The following HMGA2 variants were observed in gnomAD, a reference collection of about 807,000 sequenced individuals.
HMGA2 encodes the protein high mobility group protein HMGI-C.
A neutral mutation model predicts 19.1 loss-of-function variants in HMGA2; 8 were observed. The ratio of observed to expected loss-of-function variants is 0.42; its 90% confidence interval spans 0.25 to 0.76. The LOEUF (loss-of-function observed/expected upper bound fraction) is 0.76. Ranked by LOEUF, HMGA2 falls within the 30% of genes least tolerant of loss-of-function variation. HMGA2 has a pLI of 0.28. For missense variants in HMGA2, 109 were observed against 136.3 expected (o/e 0.80, Z 1.00); for synonymous variants, 60 against 48.8 (o/e 1.23, Z -0.96).
intron 2 of HMGA2, 126 bp from the exon 3 acceptor site, chr12:65,838,393 C>CA (rs60377295): frequency 0.094 from 52,789 of 562,202 alleles, 1 homozygote; most frequent in Non-Finnish European, 0.11. Context: ...TTAAAAAAAA[C>CA]AAAAAAAAAA....
chr12:65,927,965 A>ATG (rs1427029468), intron 3 of HMGA2, among the ~76,000 whole-genome samples: 1 of 144,178 alleles, frequency 6.9e-6, no homozygotes, highest in Non-Finnish European at 1.5e-5. Flanking sequence ...ATATATATAT[A>ATG]TGTATGTATG....
intron 3 of HMGA2, among the ~76,000 whole-genome samples, chr12:65,945,625 A>AG (rs1876238161): frequency 6.6e-6 from 1 of 151,990 alleles, no homozygotes; most frequent in African/African-American, 2.4e-5. Context: ...GTCAAAAGCC[A>AG]CTCCCATCAA....
intron 4 of HMGA2, chr12:65,952,524 A>G: frequency 7.0e-7 from 1 of 1,438,080 alleles, no homozygotes; most frequent in Non-Finnish European, 9.1e-7. Flanking sequence ...AAACAGAGTT[A>G]CCATGAAAAA....
At chr12:65,958,718 A>T (rs759760932) in intron 4 of HMGA2, 17 of 152,230 alleles carry the variant, frequency 1.1e-4, no homozygotes, top group Non-Finnish European at 1.2e-4. Flanking sequence ...ACAAAAAAGA[A>T]TGCCATTTAG....
chr12:65,907,931 C>T (rs1874674159), intron 3 of HMGA2, among the ~76,000 whole-genome samples: 1 of 152,046 alleles, frequency 6.6e-6, no homozygotes, highest in Admixed American at 6.5e-5. Flanking sequence ...TCAGCTGTAC[C>T]ATTGCTTTTC....
intron 2 of HMGA2, among the ~76,000 whole-genome samples, chr12:65,838,169 G>A (rs1870813857): frequency 1.3e-5 from 2 of 152,066 alleles, no homozygotes; most frequent in Admixed American, 1.3e-4. Flanking sequence ...ACTAACTTAT[G>A]TAGTTACAGA....
At chr12:65,832,620 G>A (rs1014532055) in intron 2 of HMGA2, among the ~76,000 whole-genome samples, 12 of 152,052 alleles carry the variant, frequency 7.9e-5, no homozygotes, top group African/African-American at 2.9e-4. Context: ...GCACAAAGTG[G>A]AAACTGAATT....
intron 3 of HMGA2, among the ~76,000 whole-genome samples, chr12:65,864,031 G>A (rs1872252826): frequency 6.6e-6 from 1 of 152,182 alleles, no homozygotes. Context: ...AGGGTTCCAT[G>A]AATATTATGT....
chr12:65,866,348 C>T (rs941480835), intron 3 of HMGA2, among the ~76,000 whole-genome samples: 40 of 152,048 alleles, frequency 2.6e-4, no homozygotes, highest in African/African-American at 9.7e-4. Flanking sequence ...GAAAAGTGAA[C>T]CAAGTTAATG....
At chr12:65,869,293 G>C (rs1194769149) in intron 3 of HMGA2, among the ~76,000 whole-genome samples, 1 of 152,170 alleles carries the variant, frequency 6.6e-6, no homozygotes, top group Admixed American at 6.5e-5. Context: ...AACTCAGAAA[G>C]ACGACAGCAA....
intron 3 of HMGA2, chr12:65,842,610 C>T: frequency 6.5e-7 from 1 of 1,535,352 alleles, no homozygotes; most frequent in Non-Finnish European, 8.7e-7. Flanking sequence ...TACATTGCAG[C>T]TTAGAAGCCT....
At chr12:65,945,524 G>A (rs1239081827) in intron 3 of HMGA2, among the ~76,000 whole-genome samples, 1 of 151,984 alleles carries the variant, frequency 6.6e-6, no homozygotes, top group Non-Finnish European at 1.5e-5. Flanking sequence ...AGTGGATCTC[G>A]GTGAATGTTC....
intron 3 of HMGA2, among the ~76,000 whole-genome samples, chr12:65,898,479 C>A (rs144754872): frequency 6.6e-6 from 1 of 152,284 alleles, no homozygotes; most frequent in African/African-American, 2.4e-5. Flanking sequence ...TTACCCAGTC[C>A]TGGAAAGGTG....
intron 3 of HMGA2, among the ~76,000 whole-genome samples, chr12:65,890,427 C>G (rs1873852711): frequency 6.6e-6 from 1 of 152,260 alleles, no homozygotes; most frequent in Non-Finnish European, 1.5e-5. Context: ...TTAATATATT[C>G]TTGTGATTTG....
chr12:65,828,164 T>G, intron 2 of HMGA2, 77 bp downstream of exon 2: 1 of 1,051,966 alleles, frequency 9.5e-7, no homozygotes, highest in Non-Finnish European at 1.5e-6. Flanking sequence ...TTTCCCATTC[T>G]AACTCCGCAG....
intron 3 of HMGA2, chr12:65,858,598 T>C (rs1324236973): frequency 6.6e-6 from 1 of 152,234 alleles, no homozygotes; most frequent in African/African-American, 2.4e-5. Context: ...TTTTGTTTAA[T>C]GGGTACCTTA....
chr12:65,939,097 C>A (rs932519148), intron 3 of HMGA2, among the ~76,000 whole-genome samples: 3 of 152,076 alleles, frequency 2.0e-5, no homozygotes, highest in South Asian at 2.1e-4. Context: ...AGTTGGAAAC[C>A]TTTTTTGAAT....
chr12:65,930,995 C>A (rs748527660), intron 3 of HMGA2, among the ~76,000 whole-genome samples: 10 of 152,122 alleles, frequency 6.6e-5, no homozygotes, highest in Non-Finnish European at 1.2e-4. Flanking sequence ...CAATTTAAAC[C>A]TTTGCTGTTA....
chr12:65,825,319 G>C lies in HMGA2; in HGVS notation c.49G>C (p.Gly17Arg). Reference sequence around the variant, plus strand: ...GGGGCAGCCGTCCACTTCAGCCCAGGGACAACCTGCCGCCCCAGCGCCTCA... The same window carrying C: ...GGGGCAGCCGTCCACTTCAGCCCAGCGACAACCTGCCGCCCCAGCGCCTCA... ...GAGQPSTSAQ[G>R]QPAAPAPQKR... The change falls in exon 1 of 5, where the codon GGA becomes CGA. Residue 17 changes from glycine (G) to arginine (R), a missense_variant. Gly to Arg is a moderately radical substitution (Grantham distance 125). Coordinates refer to ENST00000403681, the MANE Select transcript of HMGA2 (RefSeq NM_003483.6). The surrounding 1 kb of genome is among the most constrained non-coding windows in gnomAD (Gnocchi z 4.4). 6.5e-7 allele frequency: 1 copy of C among 1,538,636 alleles called. No individual in the cohort carries two copies. Among genetic ancestry groups the C allele is most frequent in the Non-Finnish European group, 8.7e-7 (1 of 1,146,136 alleles).
Sources: allele counts gnomAD v4.1 joint callset (sites outside exome capture counted in the v4.1 genomes callset), GRCh38; gene constraint gnomAD v4.1.1; non-coding constraint Gnocchi (gnomAD v3.1); transcripts MANE v1.5; gene names NCBI Gene and HGNC (gene_info 2026-07-23, HGNC 2026-07-21).